ARHGAP18: variants seen among roughly 807,000 people sequenced by gnomAD.
ARHGAP18 encodes the protein rho GTPase-activating protein 18.
A neutral mutation model predicts 86.2 loss-of-function variants in ARHGAP18; 67 were observed. The observed-to-expected ratio is 0.78, with a 90% CI of 0.64 to 0.95. The LOEUF (loss-of-function observed/expected upper bound fraction) is 0.95. Among genes scored for constraint, ARHGAP18 ranks in the 40% least tolerant of loss-of-function variants. The pLI is 0.00. For missense variants in ARHGAP18, 691 were observed against 780.4 expected, an observed-to-expected ratio of 0.89 and a Z score of 1.37; for synonymous variants, 283 against 280.4, an observed-to-expected ratio of 1.01 and a Z score of -0.09.
chr6:129,613,461 C>T (rs1259937222), intron 7 of ARHGAP18, among the ~76,000 whole-genome samples: 2 of 152,178 alleles, frequency 1.3e-5, no homozygotes, highest in East Asian at 1.9e-4. Context: ...TGTTTCTAGT[C>T]CTATTAACAA....
chr6:129,638,353 G>C (rs769698703), intron 3 of ARHGAP18, 41 bp downstream of exon 3: 1 of 1,538,640 alleles, frequency 6.5e-7, no homozygotes, highest in Non-Finnish European at 9.0e-7. Context: ...TTAATTGTAA[G>C]CAATTATTCC....
chr6:129,703,625 T>A (rs1233511312), intron 1 of ARHGAP18, among the ~76,000 whole-genome samples: 1 of 152,246 alleles, frequency 6.6e-6, no homozygotes, highest in Non-Finnish European at 1.5e-5. Flanking sequence ...GTCTCGTCAA[T>A]GAGAGGAATC....
intron 10 of ARHGAP18, among the ~76,000 whole-genome samples, chr6:129,602,754 C>T (rs1008735342): frequency 6.6e-6 from 1 of 151,762 alleles, no homozygotes; most frequent in African/African-American, 2.4e-5. Context: ...CCACAGAGAC[C>T]AGAATAATTG....
At chr6:129,624,926 CAA>C (rs529099707) in intron 5 of ARHGAP18, among the ~76,000 whole-genome samples, 269 of 141,060 alleles carry the variant, frequency 1.9e-3, no homozygotes, top group African/African-American at 6.7e-3. Context: ...GCCTGGGTGA[CAA>C]GAGTGAAACT....
chr6:129,645,470 A>C (rs1387126585), intron 1 of ARHGAP18, among the ~76,000 whole-genome samples: 1 of 152,208 alleles, frequency 6.6e-6, no homozygotes, highest in African/African-American at 2.4e-5. Context: ...TGTTGAAATC[A>C]AAGAAACACA....
intron 1 of ARHGAP18, among the ~76,000 whole-genome samples, chr6:129,680,246 G>A (rs1205680086): frequency 6.6e-6 from 1 of 151,858 alleles, no homozygotes; most frequent in East Asian, 1.9e-4. Context: ...GCCTAAGAAT[G>A]AAAAAGGGTA....
At chr6:129,583,880 A>C (rs1005656771) in intron 13 of ARHGAP18, 108 bp downstream of exon 13, 1 of 1,407,544 alleles carries the variant, frequency 7.1e-7, no homozygotes, top group East Asian at 2.4e-5. Flanking sequence ...ATACTACCCC[A>C]CAATTAAAAC....
At chr6:129,654,390 C>T (rs1403614270) in intron 1 of ARHGAP18, among the ~76,000 whole-genome samples, 1 of 152,210 alleles carries the variant, frequency 6.6e-6, no homozygotes. Flanking sequence ...GTTTATGACC[C>T]TGTCCTAGCT....
At chr6:129,660,167 C>G (rs145538730) in intron 1 of ARHGAP18, among the ~76,000 whole-genome samples, 1 of 152,086 alleles carries the variant, frequency 6.6e-6, no homozygotes, top group Non-Finnish European at 1.5e-5. Context: ...GCAGGCAGTA[C>G]GACAATGGAA....
chr6:129,708,336 C>T (rs932619861), intron 1 of ARHGAP18, among the ~76,000 whole-genome samples: 4 of 152,260 alleles, frequency 2.6e-5, no homozygotes, highest in South Asian at 2.1e-4. Flanking sequence ...GGGCACTTGC[C>T]GTGTGGGCAG....
chr6:129,710,066 A>G lies in ARHGAP18; in HGVS notation c.71T>C (p.Val24Ala), dbSNP rs140129403. Residue 24 changes from valine to alanine, a missense_variant, in exon 1 of 15, where the codon GTC becomes GCC. Coordinates refer to ENST00000368149, the MANE Select transcript of ARHGAP18 (RefSeq NM_033515.3). ...CCCTGCCTTTGCATGGCTGTTCCCGACGGTCTGGTCCTTGCCGCTGGGGTG... is the reference window on the plus strand; with the variant it reads ...CCCTGCCTTTGCATGGCTGTTCCCGGCGGTCTGGTCCTTGCCGCTGGGGTG... ...AYHPSGKDQT[V>A]GNSHAKAGEE... 1.1e-4 allele frequency: 183 copies of G among 1,614,042 alleles called. No homozygotes were observed. The African/African-American group carries it at 2.2e-3, about 20-fold the overall frequency.
intron 3 of ARHGAP18, among the ~76,000 whole-genome samples, chr6:129,634,353 C>T (rs1024046897): frequency 3.3e-5 from 5 of 152,054 alleles, no homozygotes; most frequent in African/African-American, 9.7e-5. Context: ...GAGTGGGTCC[C>T]TGTCATCAAG....
chr6:129,678,221 C>A (rs925681174), intron 1 of ARHGAP18, among the ~76,000 whole-genome samples: 4 of 152,216 alleles, frequency 2.6e-5, no homozygotes, highest in African/African-American at 9.7e-5. Context: ...GGTCTCCGAT[C>A]AATATTTACA....
chr6:129,649,122 T>C (rs529466505), intron 1 of ARHGAP18, among the ~76,000 whole-genome samples: 48 of 152,350 alleles, frequency 3.2e-4, no homozygotes, highest in African/African-American at 1.1e-3. Context: ...ATCTCTTCTA[T>C]CTGACTCAAA....
chr6:129,588,021 C>T (rs1313381072), intron 12 of ARHGAP18, among the ~76,000 whole-genome samples: 2 of 152,098 alleles, frequency 1.3e-5, no homozygotes, highest in African/African-American at 4.8e-5. Context: ...GGGGTACAGG[C>T]ATTGAGCAAA....
Position 129,578,510 on chromosome 6 carries a change from C to A in ARHGAP18, c.*3G>T. On this transcript the variant is annotated 3_prime_UTR_variant, in exon 15 of 15. Coordinates refer to ENST00000368149, the MANE Select transcript of ARHGAP18 (RefSeq NM_033515.3). ...CATGGTTATCTGCAGCTTGTTAAGT[C>A]TTCTACAATGGCTTTGACTTTATAA... The A allele has an allele frequency of 6.2e-7, 1 of 1,609,462 alleles. No individual in the cohort carries two copies. Among genetic ancestry groups the A allele is most frequent in the South Asian group, 1.1e-5 (1 of 90,570 alleles).
intron 1 of ARHGAP18, among the ~76,000 whole-genome samples, chr6:129,655,239 A>G (rs1328558101): frequency 6.7e-6 from 1 of 150,070 alleles, no homozygotes; most frequent in Non-Finnish European, 1.5e-5. Flanking sequence ...GAATTGCTTG[A>G]ACCTGGGAGA....
At chr6:129,648,754 A>T (rs948053053) in intron 1 of ARHGAP18, among the ~76,000 whole-genome samples, 10 of 152,184 alleles carry the variant, frequency 6.6e-5, no homozygotes, top group African/African-American at 2.4e-4. Context: ...CATGTTTCTC[A>T]TGTGTAGATT....
At chr6:129,643,986 T>C (rs975915903) in intron 1 of ARHGAP18, among the ~76,000 whole-genome samples, 1 of 152,240 alleles carries the variant, frequency 6.6e-6, no homozygotes, top group African/African-American at 2.4e-5. Flanking sequence ...GCCAGTTTTA[T>C]TCCTTTAAAG....
Sources: allele counts gnomAD v4.1 joint callset (sites outside exome capture counted in the v4.1 genomes callset), GRCh38; gene constraint gnomAD v4.1.1; transcripts MANE v1.5; gene names NCBI Gene and HGNC (gene_info 2026-07-23, HGNC 2026-07-21).